Variants in ZNF607 observed in about 807,000 individuals in gnomAD.
ZNF607 encodes zinc finger protein 607.
In ZNF607, 5 loss-of-function variants were observed where a neutral mutation model predicts 12.8. That is an observed-to-expected ratio of 0.39 (90% CI 0.20 to 0.82). The LOEUF (loss-of-function observed/expected upper bound fraction) is 0.82. Among genes scored for constraint, ZNF607 ranks in the 40% least tolerant of loss-of-function variants. ZNF607 has a pLI of 0.39. For synonymous variants in ZNF607, 287 were observed against 276.2 expected, an observed-to-expected ratio of 1.04 and a Z score of -0.39; for missense variants, 851 against 859.2, an observed-to-expected ratio of 0.99 and a Z score of 0.12.
In ZNF607 at chr19:37,718,690, A is replaced by T. The variant is rs145351610; in HGVS notation, c.-75+579T>A. Among the ~76,000 whole-genome samples, 107 of 152,194 alleles carry T rather than the reference A, an allele frequency of 7.0e-4. 1 individual carries two copies. In the East Asian group the frequency reaches 0.017, roughly 24 times the overall value. On this transcript the variant is annotated intron_variant, in intron 1 of 4. Transcript: ENST00000355202. ...AACTATTCTAAGTCAGTTTAGCAAG[A>T]CCCTTTCGCCTCCGTATCTTCATCC... is the stretch of plus-strand genomic sequence containing the variant.
rs1335499938 is a variant in ZNF607, at chr19:37,696,860, G to C, written c.*1180C>G. On this transcript the variant is annotated 3_prime_UTR_variant, in exon 5 of 5. Coordinates refer to ENST00000355202, the MANE Select transcript of ZNF607 (RefSeq NM_032689.5). ...CTCTCTGCTTCCTGGGGGGCCACCT[G>C]TCTGTTAACTCCTTCAAGAAGGTCA... The C allele has an allele frequency of 2.6e-6, 2 of 761,458 alleles. No individual in the cohort carries two copies. The highest frequency in any genetic ancestry group is 4.6e-6 in the Non-Finnish European group (2 of 436,426). 47.2% of individuals were successfully genotyped at this position (761,458 alleles called of 1,614,324 possible).
Position 37,699,017 on chromosome 19 carries a change from TC to T in ZNF607, c.1113del (p.Ala373ProfsTer152). The T allele has an allele frequency of 6.2e-7, 1 of 1,614,024 alleles. No homozygotes were observed. The highest frequency in any genetic ancestry group is 1.1e-5 in the South Asian group (1 of 91,072). On this transcript the variant is annotated frameshift_variant, in exon 5 of 5. Transcript: ENST00000355202. LOFTEE classifies it low-confidence loss of function (END_TRUNC). ...VEKPYKCEEC[G>X]KAFSVHGRLT... is the part of the protein sequence containing the mutation. Reference sequence around the variant, plus strand: ...AGTCGTCCATGCACACTAAAGGCTTTCCCACATTCCTCACACTTATAAGGTT... The same window carrying T: ...AGTCGTCCATGCACACTAAAGGCTTTCCACATTCCTCACACTTATAAGGTT...
intron 4 of ZNF607, among the ~76,000 whole-genome samples, chr19:37,704,413 G>C (rs1416696310): frequency 1.3e-5 from 2 of 152,092 alleles, no homozygotes; most frequent in Non-Finnish European, 2.9e-5. Flanking sequence ...TAAAAAGCAT[G>C]TTCTCTGATC....
chr19:37,698,596 T>G lies in ZNF607; in HGVS notation c.1535A>C (p.Lys512Thr), dbSNP rs766124305. The G allele has an allele frequency of 6.2e-7, 1 of 1,613,894 alleles. No individual in the cohort carries two copies. The highest frequency in any genetic ancestry group is 1.3e-5 in the African/African-American group (1 of 74,866). ...EKPYECKECG[K>T]AFSVSGQLTQ... Reference sequence around the variant, plus strand: ...AAGTTGTCCAGATACACTAAAGGCCTTCCCACATTCCTTACATTCATAAGG... The same window carrying G: ...AAGTTGTCCAGATACACTAAAGGCCGTCCCACATTCCTTACATTCATAAGG... Residue 512 changes from lysine to threonine, a missense_variant, in exon 5 of 5, where the codon AAG becomes ACG. Physicochemically the swap from Lys to Thr is moderately conservative, Grantham distance 78. Transcript: ENST00000355202.
chr19:37,698,046 A>G lies in ZNF607; in HGVS notation c.2085T>C (p.His695=), dbSNP rs1390448498. ...ATATGCCACAATTTCTCTATCAAAT[A>G]TGAATTCTCTGATGTACTTCAAGGA... ...RSILEVHQRI[H]I The change falls in exon 5 of 5, where the codon CAT becomes CAC. Residue 695 remains histidine (H), a synonymous_variant. Transcript: ENST00000355202. 2 of 1,584,844 alleles carry G rather than the reference A, an allele frequency of 1.3e-6. No individual in the cohort carries two copies. Among genetic ancestry groups the G allele is most frequent in the South Asian group, 1.2e-5 (1 of 85,768 alleles).
At position 37,697,968 on chromosome 19, in the gene ZNF607, A is replaced by G; in HGVS notation, c.*72T>C. Reference sequence around the variant, plus strand: ...AGCCATTCCACATTGTCTTCATTCAAATTGTTCAGTGGGATAAATCCATTG... The same window carrying G: ...AGCCATTCCACATTGTCTTCATTCAGATTGTTCAGTGGGATAAATCCATTG... On this transcript the variant is annotated 3_prime_UTR_variant, in exon 5 of 5. Coordinates refer to ENST00000355202, the MANE Select transcript of ZNF607 (RefSeq NM_032689.5). 1 of 1,405,444 alleles carries G rather than the reference A, an allele frequency of 7.1e-7. No homozygotes were observed. The highest frequency in any genetic ancestry group is 1.4e-5 in the South Asian group (1 of 70,952). 87.1% of individuals were successfully genotyped at this position (1,405,444 alleles called of 1,614,324 possible).
At chr19:37,716,857 G>A (rs2045180228) in intron 1 of ZNF607, among the ~76,000 whole-genome samples, 1 of 152,152 alleles carries the variant, frequency 6.6e-6, no homozygotes. Context: ...GTCATTAAAA[G>A]AAATCTAAAT....
intron 3 of ZNF607, 46 bp from the exon 4 acceptor site, chr19:37,708,058 A>G: frequency 6.6e-7 from 1 of 1,514,180 alleles, no homozygotes; most frequent in Non-Finnish European, 9.1e-7. Context: ...TCAACTTTGA[A>G]GGTAAAATTT....
chr19:37,705,771 A>C (rs1477489845), intron 4 of ZNF607, among the ~76,000 whole-genome samples: 4 of 152,022 alleles, frequency 2.6e-5, no homozygotes, highest in Non-Finnish European at 5.9e-5. Flanking sequence ...GAAGAAATTG[A>C]AAATCTGAAA....
At position 37,698,387 on chromosome 19, in the gene ZNF607, T is replaced by C; in HGVS notation, c.1744A>G (p.Thr582Ala). The change falls in exon 5 of 5, where the codon ACT (threonine) becomes GCT (alanine). Residue 582 changes from threonine (T) to alanine (A), a missense_variant. Coordinates refer to ENST00000355202, the MANE Select transcript of ZNF607 (RefSeq NM_032689.5). Reference sequence around the variant, plus strand: ...TCATAGGACTTTTCACCAGCATGAGTTCGGTCATGATATATGAGGCTTGTG... The same window carrying C: ...TCATAGGACTTTTCACCAGCATGAGCTCGGTCATGATATATGAGGCTTGTG... The part of the protein sequence containing the change: ...HATSLIYHDR[T>A]HAGEKSYECK... 1 of 1,614,096 alleles carries C rather than the reference T, an allele frequency of 6.2e-7. No homozygotes were observed. Among genetic ancestry groups the C allele is most frequent in the Non-Finnish European group, 8.5e-7 (1 of 1,179,980 alleles).
At chr19:37,700,419 AT>A (rs1183008808) in intron 4 of ZNF607, among the ~76,000 whole-genome samples, 4 of 146,406 alleles carry the variant, frequency 2.7e-5, no homozygotes, top group Non-Finnish European at 4.6e-5. Context: ...ATCTTATTTA[AT>A]ATATAGAGAA....
chr19:37,714,606 G>C (rs917152049), intron 1 of ZNF607, among the ~76,000 whole-genome samples: 18 of 150,774 alleles, frequency 1.2e-4, no homozygotes, highest in African/African-American at 4.4e-4. Flanking sequence ...TTAGTTACGT[G>C]GTATCCTGCT....
intron 4 of ZNF607, among the ~76,000 whole-genome samples, chr19:37,707,523 A>C (rs1212355011): frequency 3.3e-5 from 5 of 152,084 alleles, no homozygotes; most frequent in African/African-American, 1.2e-4. Context: ...TAATCCCAGC[A>C]CTTTGGGAGT....
rs1338020764 is a variant in ZNF607, at chr19:37,708,075, AC to A, written c.137-64del. The A allele has an allele frequency of 1.1e-4, 153 of 1,349,904 alleles. No homozygotes were observed. In the Middle Eastern group the frequency reaches 1.3e-3, roughly 11 times the overall value. 83.6% of individuals were successfully genotyped at this position (1,349,904 alleles called of 1,614,324 possible). On this transcript the variant is annotated intron_variant, in intron 3 of 4. Coordinates refer to ENST00000355202, the MANE Select transcript of ZNF607 (RefSeq NM_032689.5). ...AACTTTGAAGGTAAAATTTAAAATT[AC>A]AATTGCAATAAATGAAAGGTCAAAG...
In ZNF607 at chr19:37,698,242, G is replaced by A. The variant is rs1237608109; in HGVS notation, c.1889C>T (p.Ser630Leu). Residue 630 changes from serine (S) to leucine (L), a missense_variant, in exon 5 of 5, where the codon TCA (serine) becomes TTA (leucine). Physicochemically the swap from Ser to Leu is moderately radical, Grantham distance 145. Transcript: ENST00000355202. ...KRCGKAFHCA[S>L]YLVRHESVHA... ...AACGCTTTCATGTCTAACAAGATAT[G>A]AGGCACAGTGAAATGCCTTCCCACA... The A allele has an allele frequency of 6.2e-7, 1 of 1,614,054 alleles. No individual in the cohort carries two copies. Among genetic ancestry groups the A allele is most frequent in the Non-Finnish European group, 8.5e-7 (1 of 1,180,042 alleles).
At chr19:37,715,133 C>T (rs113275831) in intron 1 of ZNF607, among the ~76,000 whole-genome samples, 22 of 151,708 alleles carry the variant, frequency 1.5e-4, no homozygotes, top group African/African-American at 5.3e-4. Context: ...GTCTAGAACT[C>T]CTGACTTAGT....
In ZNF607 at chr19:37,697,542, C is replaced by CA; in HGVS notation, c.*497dup. The CA allele has an allele frequency of 1.9e-6, 1 of 524,602 alleles. No individual in the cohort carries two copies. Among genetic ancestry groups the CA allele is most frequent in the South Asian group, 2.0e-5 (1 of 49,638 alleles). The allele number at this position is 524,602 out of a possible 1,614,324, so 32.5% of individuals were successfully genotyped here. Reference sequence around the variant, plus strand: ...CCCAGAAGGGATAAATATCTTCCCCCATATCATCCCAGCTATAGGAAGCAG... The same window carrying CA: ...CCCAGAAGGGATAAATATCTTCCCCCAATATCATCCCAGCTATAGGAAGCAG... On this transcript the variant is annotated 3_prime_UTR_variant, in exon 5 of 5. Transcript: ENST00000355202.
rs1443466471 is a variant in ZNF607, at chr19:37,698,413, G to A, written c.1718C>T (p.Ala573Val). ...CKECGKAFRH[A>V]TSLIYHDRTH... is the part of the protein sequence containing the mutation. ...TCGGTCATGATATATGAGGCTTGTG[G>A]CATGACGAAAGGCCTTGCCACATTC... The change falls in exon 5 of 5, where the codon GCC becomes GTC. Residue 573 changes from alanine to valine, a missense_variant. Ala to Val is a moderately conservative substitution (Grantham distance 64, BLOSUM62 0). Transcript: ENST00000355202. 2.8e-5 allele frequency: 45 copies of A among 1,614,074 alleles called. No homozygotes were observed. Among genetic ancestry groups the A allele is most frequent in the Non-Finnish European group, 3.6e-5 (42 of 1,180,012 alleles).
In ZNF607 at chr19:37,699,242, C is replaced by A. The variant is rs373856265; in HGVS notation, c.889G>T (p.Val297Leu). The change falls in exon 5 of 5, where the codon GTG becomes TTG. Residue 297 changes from valine to leucine, a missense_variant. Physicochemically the swap from Val to Leu is conservative, Grantham distance 32. Transcript: ENST00000355202. ...CCAGTATGAATTCTTTTATGACCCA[C>A]AAGGTGGGAAAACTGACGAAAGGCC... Reference protein sequence around the residue: ...GKAFRQFSHLVGHKRIHTGEK... With the variant: ...GKAFRQFSHLLGHKRIHTGEK... 1 of 1,614,068 alleles carries A rather than the reference C, an allele frequency of 6.2e-7. No homozygotes were observed. The highest frequency in any genetic ancestry group is 1.3e-5 in the African/African-American group (1 of 75,030).
Sources: allele counts gnomAD v4.1 joint callset (sites outside exome capture counted in the v4.1 genomes callset), GRCh38; gene constraint gnomAD v4.1.1; transcripts MANE v1.5; gene names NCBI Gene and HGNC (gene_info 2026-07-23, HGNC 2026-07-21).